Variants in EPS15 observed in about 807,000 individuals in gnomAD.
EPS15 encodes epidermal growth factor receptor pathway substrate 15.
In EPS15, 72 loss-of-function variants were observed where a neutral mutation model predicts 113.8. The ratio of observed to expected loss-of-function variants is 0.63; its 90% CI spans 0.52 to 0.77. EPS15 has a LOEUF of 0.77. Ranked by LOEUF, EPS15 falls within the 30% of genes least tolerant of loss-of-function variation. The pLI is 0.00. For missense variants in EPS15, 1,048 were observed against 1,045.8 expected, an observed-to-expected ratio of 1.00 and a Z score of -0.03; for synonymous variants, 344 against 363.4, an observed-to-expected ratio of 0.95 and a Z score of 0.61.
chr1:51,476,484 T>C (rs754912236), intron 2 of EPS15, among the ~76,000 whole-genome samples: 10 of 152,186 alleles, frequency 6.6e-5, no homozygotes, highest in Non-Finnish European at 8.8e-5. Flanking sequence ...TTTATTTGCA[T>C]AGAGGTGTTT....
At chr1:51,357,533 T>C (rs992780060) in intron 24 of EPS15, among the ~76,000 whole-genome samples, 7 of 146,612 alleles carry the variant, frequency 4.8e-5, no homozygotes, top group South Asian at 2.1e-4. Context: ...CTAGCCTTTT[T>C]GACCTAATGT....
chr1:51,447,199 T>C (rs1420657282), intron 9 of EPS15, 94 bp from the exon 10 acceptor site: 2 of 1,106,840 alleles, frequency 1.8e-6, no homozygotes, highest in Non-Finnish European at 1.3e-6. Context: ...TCACAAATTC[T>C]GAACAATTCT....
At chr1:51,423,646 C>A in intron 12 of EPS15, 1 of 985,174 alleles carries the variant, frequency 1.0e-6, no homozygotes, top group Non-Finnish European at 1.2e-6. Context: ...CAGCAGTGCA[C>A]ACATTTGTAC....
intron 21 of EPS15, among the ~76,000 whole-genome samples, chr1:51,368,814 G>A (rs1465173373): frequency 6.6e-6 from 1 of 152,036 alleles, no homozygotes; most frequent in East Asian, 1.9e-4. Flanking sequence ...TGTTGGCCAG[G>A]CTGGTCTCAA....
At chr1:51,483,285 GTACTATTTCACTATT>G (rs1184289288) in intron 1 of EPS15, among the ~76,000 whole-genome samples, 1 of 152,056 alleles carries the variant, frequency 6.6e-6, no homozygotes, top group Non-Finnish European at 1.5e-5. Flanking sequence ...TGTTATAATT[GTACTATTTCACTATT>G]AGTTTTGTTG....
At chr1:51,427,285 A>G (rs1557458522) in intron 12 of EPS15, among the ~76,000 whole-genome samples, 1 of 152,218 alleles carries the variant, frequency 6.6e-6, no homozygotes, top group Non-Finnish European at 1.5e-5. Context: ...AATACACAAT[A>G]AAACCTAATA....
At chr1:51,471,661 A>G in intron 4 of EPS15, 29 bp downstream of exon 4, 1 of 1,567,714 alleles carries the variant, frequency 6.4e-7, no homozygotes, top group South Asian at 1.2e-5. Flanking sequence ...TCACTCAAAA[A>G]AAAAATCATA....
intron 1 of EPS15, among the ~76,000 whole-genome samples, chr1:51,492,246 C>A (rs1319050574): frequency 6.6e-6 from 1 of 152,100 alleles, no homozygotes; most frequent in Non-Finnish European, 1.5e-5. Flanking sequence ...AGGGCTCCTG[C>A]CTTCAAGGGC....
chr1:51,497,842 T>C (rs1644350898), intron 1 of EPS15, among the ~76,000 whole-genome samples: 1 of 151,910 alleles, frequency 6.6e-6, no homozygotes, highest in African/African-American at 2.4e-5. Flanking sequence ...CTGGGCATGG[T>C]GGTGCGCGCC....
rs375226658 is a variant in EPS15 at position 51,508,290 on chromosome 1, A to AAG, written c.33+10907_33+10908dup. Reference sequence around the variant, plus strand: ...AGAGAGAGAAAGAGAGAAAGAGAGAAAGAGAGAGAGAGAAAGAGAGAAAGA... The same window carrying AAG: ...AGAGAGAGAAAGAGAGAAAGAGAGAAAGAGAGAGAGAGAGAAAGAGAGAAAGA... On this transcript the variant is annotated intron_variant, in intron 1 of 24. Transcript: ENST00000371733. Among the ~76,000 whole-genome samples the AAG allele has an allele frequency of 4.7e-3, 632 of 134,152 alleles. 5 individuals are homozygous for AAG. Among genetic ancestry groups the AAG allele is most frequent in the African/African-American group, 0.017 (606 of 36,004 alleles). The allele number at this position is 134,152 out of a possible 152,430, so 88.0% of individuals were successfully genotyped here. A position where few individuals can be genotyped will look rare whatever the true frequency, so the allele number is the denominator to read the frequency against.
intron 22 of EPS15, among the ~76,000 whole-genome samples, chr1:51,364,428 TTAAATA>T (rs1306032539): frequency 2.0e-5 from 3 of 152,010 alleles, no homozygotes; most frequent in Admixed American, 1.3e-4. Flanking sequence ...CCTAATGAAC[TTAAATA>T]TAAGATTTAA....
chr1:51,477,004 G>T (rs572710853), intron 2 of EPS15, among the ~76,000 whole-genome samples: 19 of 152,192 alleles, frequency 1.2e-4, no homozygotes, highest in Non-Finnish European at 2.1e-4. Flanking sequence ...TTTTTCTATT[G>T]ATTGGAATAG....
At chr1:51,414,925 A>G (rs1214262271) in intron 13 of EPS15, among the ~76,000 whole-genome samples, 2 of 152,212 alleles carry the variant, frequency 1.3e-5, no homozygotes, top group African/African-American at 4.8e-5. Context: ...CTCTCTCTAG[A>G]AAGGCTTTTT....
intron 1 of EPS15, among the ~76,000 whole-genome samples, chr1:51,484,407 A>AT (rs1440065469): frequency 6.6e-6 from 1 of 152,076 alleles, no homozygotes; most frequent in African/African-American, 2.4e-5. Flanking sequence ...ATTTAAAAAA[A>AT]TTTTTTAAAT....
chr1:51,365,849 A>G, intron 22 of EPS15, 104 bp downstream of exon 22: 1 of 654,086 alleles, frequency 1.5e-6, no homozygotes, highest in Non-Finnish European at 2.6e-6. Context: ...GATTTACTGA[A>G]ATCAAGTTGC....
chr1:51,504,986 T>C (rs1254863482), intron 1 of EPS15, among the ~76,000 whole-genome samples: 2 of 152,064 alleles, frequency 1.3e-5, no homozygotes, highest in Non-Finnish European at 2.9e-5. Flanking sequence ...CCGGGTGTGG[T>C]GGTATATACC....
chr1:51,376,137 A>G (rs1314349646), intron 21 of EPS15, among the ~76,000 whole-genome samples: 4 of 152,262 alleles, frequency 2.6e-5, no homozygotes, highest in Non-Finnish European at 2.9e-5. Context: ...TTGAAGCATC[A>G]AAGGACAGGT....
intron 4 of EPS15, among the ~76,000 whole-genome samples, chr1:51,469,814 G>C (rs1012978294): frequency 6.6e-6 from 1 of 151,252 alleles, no homozygotes; most frequent in Non-Finnish European, 1.5e-5. Context: ...TGATTAGCTA[G>C]AAAAACTACC....
chr1:51,364,395 GA>G (rs912053116), intron 22 of EPS15, among the ~76,000 whole-genome samples: 4 of 151,030 alleles, frequency 2.6e-5, no homozygotes, highest in Admixed American at 1.3e-4. Flanking sequence ...GTAATCAAAG[GA>G]AAAAAAATGG....
Sources: allele counts gnomAD v4.1 joint callset (sites outside exome capture counted in the v4.1 genomes callset), GRCh38; gene constraint gnomAD v4.1.1; transcripts MANE v1.5; gene names NCBI Gene and HGNC (gene_info 2026-07-23, HGNC 2026-07-21).